The following CLCN2 variants were observed in gnomAD, a reference collection of about 807,000 sequenced individuals.
CLCN2 encodes chloride voltage-gated channel 2.
CLCN2 carries 72 observed loss-of-function variants against 108.3 expected under a neutral mutation model. The ratio of observed to expected loss-of-function variants is 0.66; its 90% CI spans 0.55 to 0.81. The LOEUF is 0.81. CLCN2 is among the 30% of genes least tolerant of loss of function. The pLI is 0.00. For missense variants in CLCN2, 1,048 were observed against 1,205.2 expected (o/e 0.87, Z 1.93); for synonymous variants, 471 against 467.1 (o/e 1.01, Z -0.11).
chr3:184,357,697 T>C lies in CLCN2; in HGVS notation c.695A>G (p.Asn232Ser). 3 of 1,614,112 alleles carry C rather than the reference T, an allele frequency of 1.9e-6. No individual in the cohort carries two copies. Among genetic ancestry groups the C allele is most frequent in the South Asian group, 1.1e-5 (1 of 91,086 alleles). The change falls in exon 7 of 24, where the codon AAT (asparagine) becomes AGT (serine). Residue 232 changes from asparagine to serine, a missense_variant and splice_region_variant. By Grantham distance (46) the Asn-to-Ser change is conservative (BLOSUM62 1). Coordinates refer to ENST00000265593, the MANE Select transcript of CLCN2 (RefSeq NM_004366.6). ...FLSLFGGIYE[N>S]ESRNTEMLAA... ...CAGCATCTCTGTGTTCCGGGATTCA[T>C]TCTGGCGAGAGTGGTGGCAAGAGGG... is the stretch of plus-strand genomic sequence containing the variant.
Position 184,353,333 on chromosome 3 carries a change from T to G in CLCN2, c.1945A>C (p.Met649Leu). The G allele has an allele frequency of 6.2e-7, 1 of 1,613,298 alleles. No individual in the cohort carries two copies. The highest frequency in any genetic ancestry group is 8.5e-7 in the Non-Finnish European group (1 of 1,179,926). ...QLSPARRRQH[M>L]QERRATQTSP... ...GTCTGGGTGGCTCTGCGCTCCTGCA[T>G]GTGCTGCCGCCGGCGGGCTGGGCTC... is the stretch of plus-strand genomic sequence containing the variant. The change falls in exon 17 of 24, where the codon ATG becomes CTG. Residue 649 changes from methionine to leucine, a missense_variant. Met to Leu is a conservative substitution (Grantham distance 15, BLOSUM62 2). Coordinates refer to ENST00000265593, the MANE Select transcript of CLCN2 (RefSeq NM_004366.6).
chr3:184,353,347 C>T lies in CLCN2; in HGVS notation c.1931G>A (p.Arg644His), dbSNP rs1325778309. 26 of 1,613,108 alleles carry T rather than the reference C, an allele frequency of 1.6e-5. No homozygotes were observed. The highest frequency in any genetic ancestry group is 3.3e-5 in the Admixed American group (2 of 60,000). Reference sequence around the variant, plus strand: ...GCGCTCCTGCATGTGCTGCCGCCGGCGGGCTGGGCTCAGCTGGGCCCCCAA... The same window carrying T: ...GCGCTCCTGCATGTGCTGCCGCCGGTGGGCTGGGCTCAGCTGGGCCCCCAA... ...ALLGAQLSPA[R>H]RRQHMQERRA... is the part of the protein sequence containing the mutation. Residue 644 changes from arginine to histidine, a missense_variant, in exon 17 of 24, where the codon CGC (arginine) becomes CAC (histidine). By Grantham distance (29) the Arg-to-His change is conservative (BLOSUM62 0). Coordinates refer to ENST00000265593, the MANE Select transcript of CLCN2 (RefSeq NM_004366.6).
At chr3:184,358,341 T>C (rs767696151) in intron 3 of CLCN2, 31 bp from the exon 4 acceptor site, 49 of 1,612,644 alleles carry the variant, frequency 3.0e-5, no homozygotes, top group Non-Finnish European at 4.1e-5. Context: ...GGACCCCCAG[T>C]GCACACACCC....
Position 184,354,114 on chromosome 3 carries a change from A to T in CLCN2, c.1708T>A (p.Trp570Arg). The T allele has an allele frequency of 6.2e-7, 1 of 1,612,016 alleles. No homozygotes were observed. Among genetic ancestry groups the T allele is most frequent in the Non-Finnish European group, 8.5e-7 (1 of 1,179,730 alleles). Reference protein sequence around the residue: ...KKLPYLPELGWGRHQQYRVRV... With the variant: ...KKLPYLPELGRGRHQQYRVRV... ...AGCCCTCCGTACTGGTGGCGGCCCC[A>T]GCCGAGCTCAGGCAGGTAGGGCAGT... The change falls in exon 15 of 24, where the codon TGG becomes AGG. Residue 570 changes from tryptophan to arginine, a missense_variant. Physicochemically the swap from Trp to Arg is moderately radical, Grantham distance 101. Coordinates refer to ENST00000265593, the MANE Select transcript of CLCN2 (RefSeq NM_004366.6).
At position 184,346,323 on chromosome 3, in the gene CLCN2, C is replaced by T. The variant is rs138906427; in HGVS notation, c.*283G>A. The T allele has an allele frequency of 1.5e-4, 77 of 529,038 alleles. No homozygotes were observed. The East Asian group carries it at 2.5e-3, about 17-fold the overall frequency. 32.8% of individuals were successfully genotyped at this position (529,038 alleles called of 1,614,324 possible). ...TCCAGTTATAAACCCATCTTAGTTC[C>T]ACCCCTTTCCCCTCAAAGGGGGAGC... On this transcript the variant is annotated 3_prime_UTR_variant, in exon 24 of 24. Coordinates refer to ENST00000265593, the MANE Select transcript of CLCN2 (RefSeq NM_004366.6). The surrounding 1 kb of genome is among the most constrained non-coding windows in gnomAD (Gnocchi z 6.0).
At chr3:184,350,511 C>G (rs1458293898) in intron 22 of CLCN2, among the ~76,000 whole-genome samples, 6 of 152,124 alleles carry the variant, frequency 3.9e-5, no homozygotes, top group Admixed American at 2.6e-4. Context: ...TCTCGGCTCA[C>G]TGCAACGTCC....
At chr3:184,349,459 A>C (rs1727936557) in intron 22 of CLCN2, 1 of 152,176 alleles carries the variant, frequency 6.6e-6, no homozygotes, top group Admixed American at 6.5e-5. Flanking sequence ...TTGTGTTAGA[A>C]GACAGTCTCA....
chr3:184,359,161 G>C lies in CLCN2; in HGVS notation c.64-30C>G, dbSNP rs749492235. ...AGCAACAGAGGGGATGGGGGCATTC[G>C]AGGTCATGGGCTGAGTGGGAACGCA... On this transcript the variant is annotated intron_variant, in intron 1 of 23. Coordinates refer to ENST00000265593, the MANE Select transcript of CLCN2 (RefSeq NM_004366.6). The C allele has an allele frequency of 1.9e-6, 3 of 1,613,332 alleles. No homozygotes were observed. The South Asian group carries it at 3.3e-5, about 18-fold the overall frequency.
chr3:184,349,521 C>T (rs112948118), intron 22 of CLCN2: 2,350 of 152,396 alleles, frequency 0.015, 25 homozygotes, highest in Non-Finnish European at 0.023. Flanking sequence ...GTCCTCCCAC[C>T]TCAGCCTCCT....
chr3:184,358,500 G>A, intron 3 of CLCN2, 182 bp downstream of exon 3: 1 of 1,089,382 alleles, frequency 9.2e-7, no homozygotes, highest in African/African-American at 1.6e-5. Flanking sequence ...TTGGAGAGGG[G>A]ATGCAAGAAG....
rs1182031051 is a variant in CLCN2, at chr3:184,355,504, G to T, written c.1196C>A (p.Thr399Asn). 3.1e-6 allele frequency: 5 copies of T among 1,614,102 alleles called. No homozygotes were observed. The Admixed American group carries it at 8.3e-5, about 27-fold the overall frequency. The change falls in exon 12 of 24, where the codon ACC becomes AAC. Residue 399 changes from threonine (T) to asparagine (N), a missense_variant. Coordinates refer to ENST00000265593, the MANE Select transcript of CLCN2 (RefSeq NM_004366.6). This position sits in a 1 kb window ranked among gnomAD's most constrained non-coding sequence, Gnocchi z 6.3. ...GQLSQKETLV[T>N]LFDNRTWVRQ... ...GACCCACGTCCGATTGTCAAACAGG[G>T]TGACCAGCGTCTCTTTCTGTGAGAG...
intron 1 of CLCN2, among the ~76,000 whole-genome samples, chr3:184,359,618 G>A (rs998777014): frequency 6.6e-6 from 1 of 152,312 alleles, no homozygotes; most frequent in South Asian, 2.1e-4. Context: ...TGGGCCTCCG[G>A]CCTGTGACCA....
intron 1 of CLCN2, among the ~76,000 whole-genome samples, chr3:184,359,895 A>G (rs1227771358): frequency 7.0e-6 from 1 of 143,072 alleles, no homozygotes; most frequent in African/African-American, 2.6e-5. Context: ...AGACCTGCCA[A>G]GCTGGGCGTG....
chr3:184,358,489 C>G, intron 3 of CLCN2, 179 bp from the exon 4 acceptor site: 1 of 1,108,404 alleles, frequency 9.0e-7, no homozygotes, highest in Non-Finnish European at 1.3e-6. Context: ...AAGAGGATCA[C>G]TTGGAGAGGG....
At chr3:184,354,061 C>T (rs966004094) in intron 15 of CLCN2, 40 bp downstream of exon 15, 2 of 1,590,764 alleles carry the variant, frequency 1.3e-6, no homozygotes, top group Non-Finnish European at 1.7e-6. Context: ...ATGCCCTCTG[C>T]CCTTCACCCA....
Position 184,355,841 on chromosome 3 carries a change from A to C in CLCN2, c.1086-63T>G. The C allele has an allele frequency of 2.5e-4, 316 of 1,279,924 alleles. No homozygotes were observed. Among genetic ancestry groups the C allele is most frequent in the Non-Finnish European group, 3.2e-4 (285 of 883,458 alleles). 79.3% of individuals were successfully genotyped at this position (1,279,924 alleles called of 1,614,324 possible). A position where few individuals can be genotyped will look rare whatever the true frequency, so the allele number is the denominator to read the frequency against. ...AGGGCTGGGTGGCCTCGCATATCTC[A>C]GGGCTGAGGTCAGAGCAGAGCCTTG... On this transcript the variant is annotated intron_variant, in intron 10 of 23. Coordinates refer to ENST00000265593, the MANE Select transcript of CLCN2 (RefSeq NM_004366.6). This position sits in a 1 kb window ranked among gnomAD's most constrained non-coding sequence, Gnocchi z 6.3.
At chr3:184,350,362 C>T (rs561149951) in intron 22 of CLCN2, among the ~76,000 whole-genome samples, 2 of 152,228 alleles carry the variant, frequency 1.3e-5, no homozygotes, top group South Asian at 4.2e-4. Flanking sequence ...GCCTCAGTTT[C>T]CCTGTGTATT....
intron 15 of CLCN2, 149 bp downstream of exon 15, chr3:184,353,952 G>T: frequency 7.4e-7 from 1 of 1,355,788 alleles, no homozygotes; most frequent in Non-Finnish European, 1.0e-6. Flanking sequence ...GAACAGCAGG[G>T]GCCAGCTACA....
intron 1 of CLCN2, 110 bp from the exon 2 acceptor site, chr3:184,359,241 C>T (rs750035692): frequency 7.5e-7 from 1 of 1,335,112 alleles, no homozygotes; most frequent in Non-Finnish European, 1.1e-6. Context: ...ACTGGATATC[C>T]CTCTTGAACG....
Sources: gnomAD v4.1 joint callset for allele counts (sites outside exome capture counted in the v4.1 genomes callset) on GRCh38, gnomAD v4.1.1 for gene constraint, Gnocchi (gnomAD v3.1) non-coding constraint, MANE v1.5 for transcripts, NCBI Gene and HGNC (gene_info 2026-07-23, HGNC 2026-07-21) for gene names.